Variants in RFX3 observed in about 807,000 individuals in gnomAD.
RFX3 encodes the protein regulatory factor X3, also known as transcription factor RFX3.
RFX3 carries 14 observed loss-of-function variants against 98.6 expected under a neutral mutation model. The ratio of observed to expected loss-of-function variants is 0.14; its 90% CI spans 0.09 to 0.22. The LOEUF (loss-of-function observed/expected upper bound fraction) is 0.22. Ranked by LOEUF, RFX3 falls within the 10% of genes least tolerant of loss-of-function variation. The pLI, the probability that RFX3 is intolerant of heterozygous loss-of-function variation, is 1.00. For synonymous variants in RFX3, 383 were observed against 328.4 expected (o/e 1.17, Z -1.80); for missense variants, 639 against 926.9 (o/e 0.69, Z 4.03).
At chr9:3,426,476 C>A (rs1001054331) in intron 1 of RFX3, among the ~76,000 whole-genome samples, 5 of 152,116 alleles carry the variant, frequency 3.3e-5, no homozygotes, top group African/African-American at 9.7e-5. Context: ...GGTACCAGTC[C>A]ATGGACTGTT....
chr9:3,398,813 A>G (rs1303081721), intron 1 of RFX3, among the ~76,000 whole-genome samples: 1 of 151,834 alleles, frequency 6.6e-6, no homozygotes, highest in Non-Finnish European at 1.5e-5. Context: ...CACATGCAAG[A>G]ATGTAAAGAA....
At chr9:3,521,653 ATAT>A (rs1026747898) in intron 1 of RFX3, among the ~76,000 whole-genome samples, 3 of 152,210 alleles carry the variant, frequency 2.0e-5, no homozygotes, top group Non-Finnish European at 4.4e-5. Context: ...ATACTTAAAA[ATAT>A]TATCATTTTA....
At chr9:3,428,111 G>T (rs1233603886) in intron 1 of RFX3, among the ~76,000 whole-genome samples, 1 of 152,074 alleles carries the variant, frequency 6.6e-6, no homozygotes, top group Non-Finnish European at 1.5e-5. Context: ...GTGAAAAGTT[G>T]CCTCATATAT....
intron 2 of RFX3, among the ~76,000 whole-genome samples, chr9:3,371,887 G>C (rs1389130604): frequency 6.6e-6 from 1 of 152,106 alleles, no homozygotes; most frequent in East Asian, 1.9e-4. Flanking sequence ...ACTATGTTTA[G>C]GTACCAAGAA....
intron 1 of RFX3, among the ~76,000 whole-genome samples, chr9:3,425,590 G>A (rs964097778): frequency 1.3e-5 from 2 of 152,066 alleles, no homozygotes; most frequent in East Asian, 1.9e-4. Flanking sequence ...CTGAAATAAC[G>A]ATTAGATATT....
intron 15 of RFX3, among the ~76,000 whole-genome samples, chr9:3,236,096 C>A (rs1819120621): frequency 2.6e-5 from 4 of 152,022 alleles, no homozygotes; most frequent in African/African-American, 7.3e-5. Context: ...TGTTTATGTT[C>A]CTCACTAAGG....
chr9:3,426,987 A>G (rs1445610491), intron 1 of RFX3, among the ~76,000 whole-genome samples: 3 of 152,000 alleles, frequency 2.0e-5, no homozygotes, highest in Non-Finnish European at 2.9e-5. Context: ...ATAGAACACT[A>G]GTAGTTTCCA....
Position 3,257,143 on chromosome 9 carries a change from T to C in RFX3, c.1662A>G (p.Thr554=). 6.2e-7 allele frequency: 1 copy of C among 1,614,052 alleles called. No individual in the cohort carries two copies. The highest frequency in any genetic ancestry group is 1.1e-5 in the South Asian group (1 of 91,080). The change falls in exon 14 of 17, where the codon ACA becomes ACG. Residue 554 remains threonine (T), a synonymous_variant. Transcript: ENST00000617270. Reference sequence around the variant, plus strand: ...GCTGCTGAAGAGTCATCTTGAAGTCTGTTTCTAGTCTCTGAACCATGTTGT... The same window carrying C: ...GCTGCTGAAGAGTCATCTTGAAGTCCGTTTCTAGTCTCTGAACCATGTTGT... ...CDDNMVQRLE[T]DFKMTLQQQS... is the part of the protein sequence containing the mutation.
chr9:3,456,377 G>A (rs1209041807), intron 1 of RFX3, among the ~76,000 whole-genome samples: 1 of 152,152 alleles, frequency 6.6e-6, no homozygotes, highest in Non-Finnish European at 1.5e-5. Flanking sequence ...ATGTTAATCA[G>A]TATTACAGAC....
At chr9:3,301,516 A>G (rs761467021) in intron 5 of RFX3, 30 bp downstream of exon 5, 2 of 1,471,116 alleles carry the variant, frequency 1.4e-6, no homozygotes, top group African/African-American at 1.4e-5. Context: ...CAAGCAAGAG[A>G]TTAGTGTACA....
intron 1 of RFX3, among the ~76,000 whole-genome samples, chr9:3,496,966 C>G (rs1851150666): frequency 6.6e-6 from 1 of 152,006 alleles, no homozygotes; most frequent in Non-Finnish European, 1.5e-5. Flanking sequence ...AACAAGCCTT[C>G]TATTAATGTT....
chr9:3,380,987 TATCTA>T lies in RFX3; in HGVS notation c.117+14480_117+14484del, dbSNP rs148223953. Reference sequence around the variant, plus strand: ...ATGCGCTGTTGCTTTGTTATTTTTATATCTAATCTAGATATCTTTAAAATTAGATA... The same window carrying T: ...ATGCGCTGTTGCTTTGTTATTTTTATATCTAGATATCTTTAAAATTAGATA... On this transcript the variant is annotated intron_variant, in intron 2 of 16. Transcript: ENST00000617270. Among the ~76,000 whole-genome samples, 449 of 152,290 alleles carry T rather than the reference TATCTA, an allele frequency of 2.9e-3. 2 individuals carry two copies. The highest frequency in any genetic ancestry group is 0.01 in the African/African-American group (431 of 41,584).
intron 15 of RFX3, among the ~76,000 whole-genome samples, chr9:3,234,751 G>C (rs945865974): frequency 6.6e-6 from 1 of 152,298 alleles, no homozygotes. Flanking sequence ...ACCACTGTTT[G>C]CTGACACCTG....
rs546851196 is a variant in RFX3, at chr9:3,317,979, C to G, written c.474+12280G>C. On this transcript the variant is annotated intron_variant, in intron 4 of 16. Coordinates refer to ENST00000617270, the MANE Select transcript of RFX3 (RefSeq NM_001282116.2). Reference sequence around the variant, plus strand: ...GACAGTGTGGCGATTCCTCAGGGATCTAGAACTAGAAATACCATTTGACCC... The same window carrying G: ...GACAGTGTGGCGATTCCTCAGGGATGTAGAACTAGAAATACCATTTGACCC... Among the ~76,000 whole-genome samples the G allele has an allele frequency of 5.8e-4, 88 of 152,280 alleles. 1 individual carries two copies. Among genetic ancestry groups the G allele is most frequent in the African/African-American group, 2.1e-3 (86 of 41,554 alleles).
intron 1 of RFX3, among the ~76,000 whole-genome samples, chr9:3,504,005 G>C (rs1024172359): frequency 6.0e-5 from 9 of 150,952 alleles, no homozygotes; most frequent in African/African-American, 9.7e-5. Flanking sequence ...TGTTTCCAAA[G>C]AGCCTCCAAC....
chr9:3,524,985 G>GT (rs2133966706), intron 1 of RFX3, among the ~76,000 whole-genome samples: 1 of 151,110 alleles, frequency 6.6e-6, no homozygotes, highest in Non-Finnish European at 1.5e-5. Flanking sequence ...TGCAAGGGGT[G>GT]TGTGGGGGGG....
At chr9:3,412,719 G>A (rs1005047875) in intron 1 of RFX3, among the ~76,000 whole-genome samples, 1 of 152,018 alleles carries the variant, frequency 6.6e-6, no homozygotes, top group African/African-American at 2.4e-5. Context: ...TACCAATTCT[G>A]TTACAGTTAT....
chr9:3,453,227 A>G (rs545887185), intron 1 of RFX3, among the ~76,000 whole-genome samples: 93 of 152,196 alleles, frequency 6.1e-4, no homozygotes, highest in African/African-American at 2.2e-3. Flanking sequence ...TCAGCTATGG[A>G]TCCAGAAGCA....
chr9:3,404,222 A>G (rs983901501), intron 1 of RFX3, among the ~76,000 whole-genome samples: 6 of 152,196 alleles, frequency 3.9e-5, no homozygotes, highest in Admixed American at 3.9e-4. Flanking sequence ...TCATATACAC[A>G]TAAATTCTGA....
Sources: gnomAD v4.1 joint callset for allele counts (sites outside exome capture counted in the v4.1 genomes callset) on GRCh38, gnomAD v4.1.1 for gene constraint, MANE v1.5 for transcripts, NCBI Gene and HGNC (gene_info 2026-07-23, HGNC 2026-07-21) for gene names.